LPIN1: variants seen among roughly 807,000 people sequenced by gnomAD.
LPIN1 encodes phosphatidate phosphatase LPIN1.
LPIN1 carries 71 observed loss-of-function variants against 107.5 expected under a neutral mutation model. That is an observed-to-expected ratio of 0.66 (90% confidence interval 0.55 to 0.80). LPIN1 has a LOEUF of 0.80. LPIN1 is among the 30% of genes least tolerant of loss of function. The pLI, the probability that LPIN1 is intolerant of heterozygous loss-of-function variation, is 0.00. For synonymous variants in LPIN1, 445 were observed against 452.6 expected, an observed-to-expected ratio of 0.98 and a Z score of 0.21; for missense variants, 1,043 against 1,160.6, an observed-to-expected ratio of 0.90 and a Z score of 1.47.
Position 11,788,407 on chromosome 2 carries a change from C to A in LPIN1, c.1664C>A (p.Ala555Glu). The A allele has an allele frequency of 6.2e-7, 1 of 1,613,856 alleles. No individual in the cohort carries two copies. Among genetic ancestry groups the A allele is most frequent in the African/African-American group, 1.3e-5 (1 of 75,040 alleles). Residue 555 changes from alanine to glutamate, a missense_variant, in exon 12 of 21, where the codon GCA (alanine) becomes GAA (glutamate). Ala to Glu is a moderately radical substitution (Grantham distance 107). Transcript: ENST00000674199. ...IGSKYYNWTT[A>E]APLLLAMQAF... is the part of the protein sequence containing the mutation. ...GTTAGATATTATAACTGGACAACAG[C>A]AGCACCCCTCCTCCTGGCAATGCAG... is the stretch of plus-strand genomic sequence containing the variant.
intron 12 of LPIN1, among the ~76,000 whole-genome samples, chr2:11,790,492 CTG>C (rs1369137136): frequency 1.3e-5 from 2 of 152,240 alleles, no homozygotes; most frequent in African/African-American, 4.8e-5. Context: ...AATGAAATGA[CTG>C]TGAACGGCTT....
intron 20 of LPIN1, among the ~76,000 whole-genome samples, chr2:11,823,649 G>A (rs932065135): frequency 1.3e-5 from 2 of 152,192 alleles, no homozygotes; most frequent in Admixed American, 1.3e-4. Flanking sequence ...TGTCAAGGAG[G>A]AATCTGGGGA....
chr2:11,783,677 A>G (rs1288305890), intron 8 of LPIN1, 152 bp from the exon 9 acceptor site: 1 of 766,424 alleles, frequency 1.3e-6, no homozygotes, highest in Non-Finnish European at 2.4e-6. Flanking sequence ...CAGACAAAAT[A>G]GAACACACTT....
Position 11,774,561 on chromosome 2 carries a change from A to G in LPIN1, c.722+816A>G, listed in dbSNP as rs1226335395. On this transcript the variant is annotated intron_variant, in intron 5 of 20. Transcript: ENST00000674199. The surrounding 1 kb of genome is among the most constrained non-coding windows in gnomAD (Gnocchi z 4.4). ...ATGAAAAAGAGACTGAGAAACGCTG[A>G]TCTAAATGCCAGTGACATCCTTGGG... Among the ~76,000 whole-genome samples the G allele has an allele frequency of 6.6e-6, 1 of 152,152 alleles. No individual in the cohort carries two copies. Among genetic ancestry groups the G allele is most frequent in the Non-Finnish European group, 1.5e-5 (1 of 68,032 alleles).
intron 1 of LPIN1, among the ~76,000 whole-genome samples, chr2:11,681,121 G>A (rs1172158666): frequency 6.6e-6 from 1 of 152,184 alleles, no homozygotes; most frequent in Non-Finnish European, 1.5e-5. Context: ...AGTGGACTCA[G>A]AGAGCACTGT....
intron 6 of LPIN1, among the ~76,000 whole-genome samples, chr2:11,776,964 GT>G (rs755945053): frequency 6.6e-6 from 1 of 152,202 alleles, no homozygotes; most frequent in Non-Finnish European, 1.5e-5. Context: ...AGAAAAGTCC[GT>G]TTAAAATGAG....
chr2:11,815,370 C>A, intron 18 of LPIN1, 130 bp downstream of exon 18: 1 of 1,162,210 alleles, frequency 8.6e-7, no homozygotes, highest in South Asian at 1.3e-5. Flanking sequence ...ATAGCAGGCA[C>A]CAGAAAAATC....
intron 1 of LPIN1, among the ~76,000 whole-genome samples, chr2:11,700,875 G>A (rs1479583217): frequency 6.6e-6 from 1 of 152,188 alleles, no homozygotes; most frequent in Non-Finnish European, 1.5e-5. Flanking sequence ...CACTCCATAT[G>A]CCTAGGCTCC....
At position 11,804,572 on chromosome 2, in the gene LPIN1, G is replaced by A; in HGVS notation, c.2162+1G>A. The A allele has an allele frequency of 6.2e-7, 1 of 1,614,084 alleles. No individual in the cohort carries two copies. The highest frequency in any genetic ancestry group is 8.5e-7 in the Non-Finnish European group (1 of 1,180,034). On this transcript the variant is annotated splice_donor_variant, in intron 16 of 20. Transcript: ENST00000674199. LOFTEE classifies it high-confidence loss of function. ...CTGATATTGATGGGACAATTACCAGGTAGGTCCTGCTGACTTGGGGCCCAT... is the reference window on the plus strand; with the variant it reads ...CTGATATTGATGGGACAATTACCAGATAGGTCCTGCTGACTTGGGGCCCAT...
intron 1 of LPIN1, among the ~76,000 whole-genome samples, chr2:11,684,848 T>TTTTC (rs1661918259): frequency 6.6e-6 from 1 of 152,028 alleles, no homozygotes; most frequent in Admixed American, 6.6e-5. Context: ...GATTATTGTC[T>TTTTC]TTTCACTCAT....
rs550833492 is a variant in LPIN1 at position 11,811,845 on chromosome 2, C to CATG, written c.2250-3243_2250-3242insATG. On this transcript the variant is annotated intron_variant, in intron 17 of 20. Transcript: ENST00000674199. ...ACTAAAAATACAAAAATTAGCTGGG[C>CATG]GTGGTAGTGCATGCCTGTAGTCCCA... Among the ~76,000 whole-genome samples the CATG allele has an allele frequency of 2.4e-3, 371 of 152,086 alleles. 3 individuals carry two copies. Among genetic ancestry groups the CATG allele is most frequent in the African/African-American group, 8.7e-3 (361 of 41,480 alleles).
chr2:11,717,744 C>T (rs1663850424), intron 2 of LPIN1, among the ~76,000 whole-genome samples: 1 of 151,742 alleles, frequency 6.6e-6, no homozygotes, highest in African/African-American at 2.4e-5. Flanking sequence ...ATTTATTCCT[C>T]ACAACGGCCT....
chr2:11,765,499 T>A lies in LPIN1; in HGVS notation c.-9-34T>A. ...TTGGCTCTTCCTTGGATTAATTGTG[T>A]GTCTGTGTGTGTTTTTTTTTGTCTG... is the stretch of plus-strand genomic sequence containing the variant. On this transcript the variant is annotated intron_variant, in intron 1 of 20. Coordinates refer to ENST00000674199, the MANE Select transcript of LPIN1 (RefSeq NM_001349206.2). This position sits in a 1 kb window ranked among gnomAD's most constrained non-coding sequence, Gnocchi z 4.4. 1 of 1,554,326 alleles carries A rather than the reference T, an allele frequency of 6.4e-7. No individual in the cohort carries two copies. Among genetic ancestry groups the A allele is most frequent in the Non-Finnish European group, 8.7e-7 (1 of 1,148,494 alleles).
upstream of LPIN1, among the ~76,000 whole-genome samples, chr2:11,742,481 G>C (rs2148559663): frequency 6.6e-6 from 1 of 152,296 alleles, no homozygotes; most frequent in South Asian, 2.1e-4. Context: ...CCCCACACTT[G>C]TTTAGCAAGG....
chr2:11,755,869 G>A (rs560783277), intron 1 of LPIN1, among the ~76,000 whole-genome samples: 77 of 151,936 alleles, frequency 5.1e-4, no homozygotes, highest in Non-Finnish European at 8.4e-4. Flanking sequence ...CTACAGGTGC[G>A]TGCCACTGTG....
In LPIN1 at chr2:11,823,888, T is replaced by TC. The variant is rs564744503; in HGVS notation, c.2622-742dup. Among the ~76,000 whole-genome samples, 837 of 152,196 alleles carry TC rather than the reference T, an allele frequency of 5.5e-3. 7 individuals carry two copies. Among genetic ancestry groups the TC allele is most frequent in the African/African-American group, 0.019 (790 of 41,510 alleles). On this transcript the variant is annotated intron_variant, in intron 20 of 20. Coordinates refer to ENST00000674199, the MANE Select transcript of LPIN1 (RefSeq NM_001349206.2). ...TCCACAGACTATAAAGACGAAGGGC[T>TC]CCAAGAGGGCAAGACAATTGTCCAA...
At chr2:11,719,751 T>C (rs1284723737), upstream of LPIN1, among the ~76,000 whole-genome samples, 1 of 151,910 alleles carries the variant, frequency 6.6e-6, no homozygotes, top group African/African-American at 2.4e-5. Flanking sequence ...TGAGCTCTTA[T>C]CTAGAAATGC....
In LPIN1 at chr2:11,805,262, G is replaced by C. The variant is rs964203003; in HGVS notation, c.2249+106G>C. On this transcript the variant is annotated intron_variant, in intron 17 of 20. Coordinates refer to ENST00000674199, the MANE Select transcript of LPIN1 (RefSeq NM_001349206.2). ...CCAGCACGGGGTGACTTGCAGAGAG[G>C]GCTGCACCTCAACCAGGGAGGGGCA... is the stretch of plus-strand genomic sequence containing the variant. 5 of 895,906 alleles carry C rather than the reference G, an allele frequency of 5.6e-6. No individual in the cohort carries two copies. In the African/African-American group the frequency reaches 8.2e-5, roughly 15 times the overall value. The allele number at this position is 895,906 out of a possible 1,614,324, so 55.5% of individuals were successfully genotyped here.
At chr2:11,691,263 C>T (rs1662259077) in intron 1 of LPIN1, among the ~76,000 whole-genome samples, 1 of 152,076 alleles carries the variant, frequency 6.6e-6, no homozygotes, top group African/African-American at 2.4e-5. Context: ...TCCAAGCTCC[C>T]GTCTTACAGT....
Sources: gnomAD v4.1 joint callset for allele counts (sites outside exome capture counted in the v4.1 genomes callset) on GRCh38, gnomAD v4.1.1 for gene constraint, Gnocchi (gnomAD v3.1) non-coding constraint, MANE v1.5 for transcripts, NCBI Gene and HGNC (gene_info 2026-07-23, HGNC 2026-07-21) for gene names.